The following NRXN3 variants were observed in gnomAD, a reference collection of about 807,000 sequenced individuals.
The protein encoded by NRXN3 is neurexin 3.
Under a neutral mutation model 137.6 loss-of-function variants are expected in NRXN3, and 32 were observed. That is an observed-to-expected ratio of 0.23 (90% CI 0.18 to 0.31). The LOEUF (loss-of-function observed/expected upper bound fraction) is 0.31, where lower values mean the gene tolerates loss of function less well. Among genes scored for constraint, NRXN3 ranks in the 10% least tolerant of loss-of-function variants. The pLI is 1.00. For synonymous variants in NRXN3, 798 were observed against 784.5 expected (o/e 1.02, Z -0.29); for missense variants, 1,574 against 2,062.5 (o/e 0.76, Z 4.59).
intron 15 of NRXN3, among the ~76,000 whole-genome samples, chr14:79,331,841 T>C (rs1294148651): frequency 5.9e-4 from 13 of 21,914 alleles, no homozygotes. Context: ...AGGCTTTTGC[T>C]GTGTGTGTGT....
intron 4 of NRXN3, among the ~76,000 whole-genome samples, chr14:78,316,788 G>T (rs1257558354): frequency 6.6e-6 from 1 of 152,142 alleles, no homozygotes; most frequent in East Asian, 1.9e-4. Context: ...CCTAGTGTTT[G>T]TCTTCCCCAT....
At chr14:78,173,728 A>C in intron 1 of NRXN3, among the ~76,000 whole-genome samples, 1 of 2,624 alleles carries the variant, frequency 3.8e-4, no homozygotes, top group African/African-American at 2.2e-3. Context: ...TTTTTTTGCA[A>C]CACAACAGTC....
chr14:79,292,600 T>C (rs2083387563), intron 15 of NRXN3, among the ~76,000 whole-genome samples: 1 of 152,214 alleles, frequency 6.6e-6, no homozygotes, highest in Non-Finnish European at 1.5e-5. Flanking sequence ...TCCTCACCCT[T>C]ATCAGATCTT....
chr14:79,754,441 AG>A (rs2099010449), intron 19 of NRXN3, among the ~76,000 whole-genome samples: 1 of 146,720 alleles, frequency 6.8e-6, no homozygotes, highest in Non-Finnish European at 1.5e-5. Flanking sequence ...TTGTATCCAC[AG>A]GGGTCCTGGA....
chr14:79,526,590 C>T (rs548137668), intron 16 of NRXN3, among the ~76,000 whole-genome samples: 112 of 152,054 alleles, frequency 7.4e-4, no homozygotes, highest in Non-Finnish European at 1.4e-3. Context: ...TTATATGTTC[C>T]GCCAATTCAA....
chr14:79,293,986 T>G (rs2083617784), intron 15 of NRXN3, among the ~76,000 whole-genome samples: 1 of 152,082 alleles, frequency 6.6e-6, no homozygotes, highest in Non-Finnish European at 1.5e-5. Flanking sequence ...TAATCAAGAG[T>G]GAAATGAGAG....
At chr14:79,513,706 G>A (rs762219697) in intron 16 of NRXN3, among the ~76,000 whole-genome samples, 40 of 152,184 alleles carry the variant, frequency 2.6e-4, no homozygotes, top group Non-Finnish European at 4.1e-4. Context: ...GAGCTAATCA[G>A]AGCAAGGATG....
At position 79,862,107 on chromosome 14, in the gene NRXN3, C is replaced by T. The variant is rs1267208644; in HGVS notation, c.*143C>T. 2.8e-6 allele frequency: 2 copies of T among 713,386 alleles called. No individual in the cohort carries two copies. The highest frequency in any genetic ancestry group is 1.8e-5 in the African/African-American group (1 of 55,856). 44.2% of individuals were successfully genotyped at this position (713,386 alleles called of 1,614,324 possible). On this transcript the variant is annotated 3_prime_UTR_variant, in exon 21 of 21. Coordinates refer to ENST00000335750, the MANE Select transcript of NRXN3 (RefSeq NM_001330195.2). ...TAACCACGACTCTGGTGGGGAAAAC[C>T]GTTTTTTAAAGGACACACACACACA...
chr14:78,654,090 C>T (rs1232937763), intron 6 of NRXN3, among the ~76,000 whole-genome samples: 2 of 152,206 alleles, frequency 1.3e-5, no homozygotes, highest in Non-Finnish European at 2.9e-5. Context: ...TTGAGTCTAA[C>T]GTAGTGCTGG....
At chr14:78,261,050 T>G (rs1002040958) in intron 2 of NRXN3, among the ~76,000 whole-genome samples, 11 of 151,014 alleles carry the variant, frequency 7.3e-5, no homozygotes, top group African/African-American at 2.7e-4. Flanking sequence ...ATGAGGAAAC[T>G]GTAGCTGAAG....
chr14:79,302,493 C>T (rs191649717), intron 15 of NRXN3, among the ~76,000 whole-genome samples: 1 of 151,944 alleles, frequency 6.6e-6, no homozygotes, highest in Admixed American at 6.6e-5. Context: ...CTCTTTTTAA[C>T]AATCAGATCT....
At chr14:79,685,999 T>C (rs1296451068) in intron 17 of NRXN3, among the ~76,000 whole-genome samples, 2 of 152,046 alleles carry the variant, frequency 1.3e-5, no homozygotes, top group Non-Finnish European at 2.9e-5. Context: ...CTATAAGATA[T>C]TTGGACATGA....
intron 4 of NRXN3, among the ~76,000 whole-genome samples, chr14:78,303,992 T>C (rs2077119189): frequency 6.6e-6 from 1 of 152,072 alleles, no homozygotes; most frequent in Admixed American, 6.5e-5. Flanking sequence ...TAAGTAATGG[T>C]TTAACTGAAC....
intron 15 of NRXN3, among the ~76,000 whole-genome samples, chr14:79,326,345 G>C (rs2122435): frequency 0.066 from 9,969 of 152,188 alleles, 882 homozygotes; most frequent in African/African-American, 0.2. Flanking sequence ...CTAGATATAT[G>C]TGTATATATT....
At chr14:78,913,270 CTTTCTTTTTTTTT>C (rs1179321265) in intron 10 of NRXN3, among the ~76,000 whole-genome samples, 4 of 65,306 alleles carry the variant, frequency 6.1e-5, no homozygotes, top group Non-Finnish European at 1.2e-4. Context: ...TTCTTTCTTT[CTTTCTTTTTTTTT>C]TTTTTTTTTT....
chr14:78,527,222 T>C (rs552304953), intron 4 of NRXN3, among the ~76,000 whole-genome samples: 1 of 152,320 alleles, frequency 6.6e-6, no homozygotes, highest in East Asian at 1.9e-4. Flanking sequence ...GAGGTTTAAT[T>C]GGCTCATGGT....
At chr14:79,740,708 TTTTTTA>T (rs1424301096) in intron 19 of NRXN3, among the ~76,000 whole-genome samples, 16 of 35,164 alleles carry the variant, frequency 4.6e-4, no homozygotes, top group African/African-American at 1.9e-3. Context: ...TTGCATTTAG[TTTTTTA>T]TATATATATA....
intron 15 of NRXN3, among the ~76,000 whole-genome samples, chr14:79,082,879 C>G (rs1265305997): frequency 6.6e-6 from 1 of 152,118 alleles, no homozygotes; most frequent in East Asian, 1.9e-4. Flanking sequence ...CAAATAAAGA[C>G]CAGATACACA....
intron 15 of NRXN3, among the ~76,000 whole-genome samples, chr14:79,189,208 T>TA (rs1030509223): frequency 1.3e-4 from 20 of 151,852 alleles, no homozygotes; most frequent in African/African-American, 4.1e-4. Context: ...TATGCAGCCA[T>TA]AAAAAATGAT....
Sources: allele counts gnomAD v4.1 joint callset (sites outside exome capture counted in the v4.1 genomes callset), GRCh38; gene constraint gnomAD v4.1.1; transcripts MANE v1.5; gene names NCBI Gene and HGNC (gene_info 2026-07-23, HGNC 2026-07-21).